Variants in AMY2B observed in about 807,000 individuals in gnomAD.
AMY2B encodes the protein alpha-amylase 2B.
AMY2B carries 63 observed loss-of-function variants against 59.3 expected under a neutral mutation model. That is an observed-to-expected ratio of 1.06 (90% confidence interval 0.87 to 1.31). AMY2B has a LOEUF of 1.31. Ranked by LOEUF, AMY2B falls within the 50% of genes most tolerant of loss-of-function variation. The probability of loss-of-function intolerance (pLI) is 0.00; values close to 1 mark genes in which losing one functional copy is unlikely to be tolerated. For missense variants in AMY2B, 635 were observed against 626.7 expected, an observed-to-expected ratio of 1.01 and a Z score of -0.14; for synonymous variants, 180 against 198.1, an observed-to-expected ratio of 0.91 and a Z score of 0.77.
chr1:103,562,672 C>CTTTTTTTTTTTTTTTTTTT (rs373215753), intron 1 of AMY2B, among the ~76,000 whole-genome samples: 2 of 112,088 alleles, frequency 1.8e-5, no homozygotes, highest in Non-Finnish European at 3.8e-5. Flanking sequence ...GATAACTTGT[C>CTTTTTTTTTTTTTTTTTTT]TTTTTTTTTT....
chr1:103,557,360 TAAGA>T (rs1557764349), intron 1 of AMY2B, among the ~76,000 whole-genome samples: 1 of 151,990 alleles, frequency 6.6e-6, no homozygotes, highest in Non-Finnish European at 1.5e-5. Flanking sequence ...AATTAGAAAT[TAAGA>T]AAGAGGCCAG....
intron 7 of AMY2B, among the ~76,000 whole-genome samples, chr1:103,576,464 A>C (rs963236009): frequency 6.6e-6 from 1 of 152,144 alleles, no homozygotes; most frequent in Admixed American, 6.5e-5. Context: ...TTCTATCACT[A>C]TAACTTTTCC....
At chr1:103,559,957 G>A (rs1245499398) in intron 1 of AMY2B, among the ~76,000 whole-genome samples, 1 of 152,120 alleles carries the variant, frequency 6.6e-6, no homozygotes, top group East Asian at 1.9e-4. Flanking sequence ...CATGTATACA[G>A]ATGTTCATTA....
upstream of AMY2B, chr1:103,569,015 T>C (rs961840313): frequency 3.9e-5 from 6 of 152,076 alleles, no homozygotes; most frequent in African/African-American, 1.4e-4. Flanking sequence ...CTTCACTTGA[T>C]GGCAGGAAGG....
chr1:103,572,362 A>T, intron 2 of AMY2B, 106 bp downstream of exon 2: 2 of 1,509,326 alleles, frequency 1.3e-6, no homozygotes, highest in Non-Finnish European at 1.8e-6. Context: ...TTATTTTTTT[A>T]ATTTTACTTC....
chr1:103,577,198 A>G (rs1652391739), intron 7 of AMY2B, among the ~76,000 whole-genome samples: 2 of 152,168 alleles, frequency 1.3e-5, no homozygotes, highest in Non-Finnish European at 2.9e-5. Context: ...TGATTATGCC[A>G]CTGTACTCCA....
rs776361834 is a variant in AMY2B at position 103,579,391 on chromosome 1, A to T, written c.1427A>T (p.Asn476Ile). Residue 476 changes from asparagine (N) to isoleucine (I), a missense_variant, in exon 10 of 10, where the codon AAT (asparagine) becomes ATT (isoleucine). Asn to Ile is a moderately radical substitution (Grantham distance 149). Coordinates refer to ENST00000684275, the MANE Select transcript of AMY2B (RefSeq NM_001387437.1). ...ATTTCTGGAGATAAAATTAATGGCA[A>T]TTGCACAGGCATTAAAATCTACGTT... ...DVISGDKINGNCTGIKIYVSD... is the reference protein window; with the variant it reads ...DVISGDKINGICTGIKIYVSD... The T allele has an allele frequency of 6.2e-7, 1 of 1,611,812 alleles. No individual in the cohort carries two copies. Among genetic ancestry groups the T allele is most frequent in the Admixed American group, 1.7e-5 (1 of 60,002 alleles).
intron 1 of AMY2B, among the ~76,000 whole-genome samples, chr1:103,557,545 T>G (rs1467172476): frequency 6.6e-6 from 1 of 151,858 alleles, no homozygotes; most frequent in Admixed American, 6.6e-5. Context: ...TCCCAGCTAC[T>G]CGGGAGGCTG....
At chr1:103,562,504 G>T (rs1002263463) in intron 1 of AMY2B, among the ~76,000 whole-genome samples, 8 of 152,016 alleles carry the variant, frequency 5.3e-5, no homozygotes, top group African/African-American at 1.7e-4. Context: ...AAACTCAGAG[G>T]AATTAAGACT....
upstream of AMY2B, chr1:103,570,849 C>T (rs1211066085): frequency 7.5e-6 from 3 of 399,552 alleles, no homozygotes; most frequent in Non-Finnish European, 1.5e-5. Flanking sequence ...AGAACTTGTT[C>T]CTGATTTTGA....
chr1:103,572,361 T>A (rs1364121332), intron 2 of AMY2B, 105 bp downstream of exon 2: 42 of 1,508,512 alleles, frequency 2.8e-5, no homozygotes, highest in Middle Eastern at 2.5e-4. Context: ...TTTATTTTTT[T>A]AATTTTACTT....
At chr1:103,564,838 G>C (rs548502854) in intron 1 of AMY2B, among the ~76,000 whole-genome samples, 5 of 151,858 alleles carry the variant, frequency 3.3e-5, no homozygotes, top group African/African-American at 7.2e-5. Context: ...TTTTAAAAAT[G>C]GTACCTCTAA....
Position 103,578,027 on chromosome 1 carries a change from G to A in AMY2B, c.1346+182G>A, listed in dbSNP as rs2873083. 3.9e-5 allele frequency among the ~76,000 whole-genome samples: 6 copies of A among 152,260 alleles called. No homozygotes were observed. The East Asian group carries it at 5.8e-4, about 15-fold the overall frequency. On this transcript the variant is annotated intron_variant, in intron 9 of 9. Transcript: ENST00000684275. ...ATGGCTGTTACTCCTTCATTCTCCT[G>A]TTTTATTAAGGGCTTTCTGTTGTAA...
rs756256646 is a variant in AMY2B, at chr1:103,573,941, A to G, written c.744+3A>G. On this transcript the variant is annotated splice_donor_region_variant and intron_variant, in intron 4 of 9. Coordinates refer to ENST00000684275, the MANE Select transcript of AMY2B (RefSeq NM_001387437.1). The stretch of plus-strand genomic sequence containing the variant: ...GTAAACCTTTCATTTACCAGGAGGT[A>G]CATCAATACATATATGCATATAAAA... The G allele has an allele frequency of 2.0e-5, 33 of 1,613,662 alleles. No individual in the cohort carries two copies. The highest frequency in any genetic ancestry group is 5.0e-5 in the Admixed American group (3 of 59,988).
At position 103,571,676 on chromosome 1, in the gene AMY2B, G is replaced by A. The variant is rs139632093; in HGVS notation, c.74G>A (p.Arg25Gln). The A allele has an allele frequency of 1.1e-3, 1,847 of 1,611,864 alleles. 4 individuals are homozygous for A. The highest frequency in any genetic ancestry group is 1.5e-3 in the Non-Finnish European group (1,722 of 1,179,816). ...AQYSPNTQQG[R>Q]TSIVHLFEWR... ...TATTCCCCAAATACACAACAAGGAC[G>A]GACATCTATTGTTCATCTGTTTGAA... The change falls in exon 1 of 10, where the codon CGG (arginine) becomes CAG (glutamine). Residue 25 changes from arginine to glutamine, a missense_variant. Coordinates refer to ENST00000684275, the MANE Select transcript of AMY2B (RefSeq NM_001387437.1).
chr1:103,570,243 A>ATCC (rs1428620537), upstream of AMY2B: 2 of 534,644 alleles, frequency 3.7e-6, no homozygotes, highest in Non-Finnish European at 7.5e-6. Context: ...CCACTGCCAC[A>ATCC]TCCTCCTCCT....
At chr1:103,574,026 A>G in intron 4 of AMY2B, 88 bp downstream of exon 4, 1 of 1,600,690 alleles carries the variant, frequency 6.2e-7, no homozygotes, top group South Asian at 1.1e-5. Flanking sequence ...TTTCTATAGG[A>G]TAAGGACTGA....
intron 4 of AMY2B, 52 bp downstream of exon 4, chr1:103,573,990 A>C (rs753174755): frequency 1.2e-6 from 2 of 1,612,674 alleles, no homozygotes; most frequent in East Asian, 4.5e-5. Context: ...ATTAGAAAAT[A>C]ATGGCAGATT....
chr1:103,569,999 G>A (rs1335144191), upstream of AMY2B: 32 of 445,828 alleles, frequency 7.2e-5, no homozygotes, highest in Admixed American at 8.3e-5. Flanking sequence ...TTGCACACTG[G>A]CATTGTCATG....
Sources: gnomAD v4.1 joint callset for allele counts (sites outside exome capture counted in the v4.1 genomes callset) on GRCh38, gnomAD v4.1.1 for gene constraint, MANE v1.5 for transcripts, NCBI Gene and HGNC (gene_info 2026-07-23, HGNC 2026-07-21) for gene names.